The following PTPRT variants were observed in gnomAD, a reference collection of about 807,000 sequenced individuals.
The protein encoded by PTPRT is protein tyrosine phosphatase receptor type T.
PTPRT carries 56 observed loss-of-function variants against 176.8 expected under a neutral mutation model. The observed-to-expected ratio is 0.32, with a 90% CI of 0.26 to 0.40. The LOEUF is 0.40. Among genes scored for constraint, PTPRT ranks in the 10% least tolerant of loss-of-function variants. The pLI, the probability that PTPRT is intolerant of heterozygous loss-of-function variation, is 1.00. For synonymous variants in PTPRT, 783 were observed against 739.0 expected (o/e 1.06, Z -0.96); for missense variants, 1,540 against 1,908.2 (o/e 0.81, Z 3.60).
At chr20:42,966,171 C>A (rs1370605644) in intron 1 of PTPRT, 3 of 152,134 alleles carry the variant, frequency 2.0e-5, no homozygotes, top group African/African-American at 7.2e-5. Flanking sequence ...GTCGTTTGAA[C>A]CTTTCGTCAA....
At chr20:42,051,719 C>T in the PTPRT span, among the ~76,000 whole-genome samples, 14 of 152,210 alleles carry the variant, frequency 9.2e-5, no homozygotes, top group African/African-American at 2.2e-4. Flanking sequence ...TCACCATCTA[C>T]GTCAATCATT....
intron 7 of PTPRT, chr20:42,606,750 T>C (rs1366727316): frequency 6.6e-6 from 1 of 152,214 alleles, no homozygotes; most frequent in Non-Finnish European, 1.5e-5. Context: ...ATTTGAGCAT[T>C]ACCCCCGACA....
intron 7 of PTPRT, among the ~76,000 whole-genome samples, chr20:42,538,605 T>C (rs2072518490): frequency 6.6e-6 from 1 of 152,158 alleles, no homozygotes; most frequent in Non-Finnish European, 1.5e-5. Flanking sequence ...TGGCGATTAA[T>C]CTATACCAAA....
At chr20:42,142,178 C>A (rs545031925) in intron 17 of PTPRT, among the ~76,000 whole-genome samples, 176 bp from the exon 18 acceptor site, 62 of 152,322 alleles carry the variant, frequency 4.1e-4, no homozygotes, top group African/African-American at 1.5e-3. Flanking sequence ...TGGACCTATT[C>A]TCTTGTTCAT....
intron 6 of PTPRT, among the ~76,000 whole-genome samples, chr20:42,679,561 GAAGA>G (rs995668886): frequency 1.3e-5 from 2 of 152,064 alleles, no homozygotes; most frequent in Admixed American, 6.5e-5. Flanking sequence ...GAGAAAAATG[GAAGA>G]AAGAGAAAAT....
At chr20:42,718,328 G>C (rs2076256022) in intron 6 of PTPRT, among the ~76,000 whole-genome samples, 1 of 152,144 alleles carries the variant, frequency 6.6e-6, no homozygotes, top group African/African-American at 2.4e-5. Context: ...ACGAGGTCAG[G>C]GGATCAAGAC....
intron 15 of PTPRT, among the ~76,000 whole-genome samples, chr20:42,211,739 C>T (rs1323148196): frequency 6.9e-5 from 10 of 145,880 alleles, no homozygotes; most frequent in African/African-American, 1.3e-4. Flanking sequence ...GTCAGTGTGG[C>T]GATTCCTCAG....
chr20:42,772,903 A>G (rs1057462279), intron 4 of PTPRT, among the ~76,000 whole-genome samples: 1 of 152,224 alleles, frequency 6.6e-6, no homozygotes, highest in Non-Finnish European at 1.5e-5. Flanking sequence ...AGCAGACACT[A>G]TTATGATTTC....
Position 42,080,915 on chromosome 20 carries a change from T to C in PTPRT, c.4290A>G (p.Val1430=), listed in dbSNP as rs35393708. 9.5e-5 allele frequency: 153 copies of C among 1,607,920 alleles called. No homozygotes were observed. In the African/African-American group the frequency reaches 1.8e-3, roughly 19 times the overall value. The change falls in exon 31 of 31, where the codon GTA becomes GTG. Residue 1430 remains valine, a synonymous_variant. Transcript: ENST00000373187. The stretch of plus-strand genomic sequence containing the variant: ...TTAAATATTCCAGTGCCACCTCGTA[T>C]ACAAATTTATACTGTTCCTGAGAGG... ...MVETLEQYKF[V]YEVALEYLSS...
the PTPRT span, among the ~76,000 whole-genome samples, chr20:42,037,495 AGACATG>A: frequency 4.6e-5 from 7 of 152,216 alleles, no homozygotes; most frequent in Admixed American, 4.6e-4. Context: ...GACCACACTT[AGACATG>A]GACATGAAGC....
chr20:42,951,905 G>C (rs578053754), intron 1 of PTPRT, among the ~76,000 whole-genome samples: 1 of 152,270 alleles, frequency 6.6e-6, no homozygotes. Flanking sequence ...AGGAATAAAT[G>C]AGATGAAGTA....
At chr20:42,594,286 A>T (rs1475426220) in intron 7 of PTPRT, among the ~76,000 whole-genome samples, 2 of 152,088 alleles carry the variant, frequency 1.3e-5, no homozygotes, top group African/African-American at 4.8e-5. Context: ...ATCCTGTCCC[A>T]CCACGACCAT....
intron 15 of PTPRT, among the ~76,000 whole-genome samples, chr20:42,202,926 T>C (rs1303184101): frequency 6.6e-6 from 1 of 152,136 alleles, no homozygotes; most frequent in Non-Finnish European, 1.5e-5. Flanking sequence ...TTTATAGAAA[T>C]GTTTGGGTAG....
At chr20:42,847,826 C>T (rs2078401206) in intron 2 of PTPRT, among the ~76,000 whole-genome samples, 1 of 152,152 alleles carries the variant, frequency 6.6e-6, no homozygotes, top group Non-Finnish European at 1.5e-5. Flanking sequence ...TGTTAGAAAA[C>T]AGAGGTCTTT....
At chr20:43,138,184 C>T (rs962263243) in intron 1 of PTPRT, among the ~76,000 whole-genome samples, 1 of 152,214 alleles carries the variant, frequency 6.6e-6, no homozygotes, top group African/African-American at 2.4e-5. Flanking sequence ...GCTCTCTGGA[C>T]AATGCAAGGC....
intron 2 of PTPRT, among the ~76,000 whole-genome samples, chr20:42,842,502 C>T (rs2078295410): frequency 6.6e-6 from 1 of 152,138 alleles, no homozygotes; most frequent in Admixed American, 6.6e-5. Flanking sequence ...TCACTGCAAC[C>T]TCTGCCCCCC....
At chr20:42,958,389 GAAAGGGAATGGTGGGA>G (rs1981787818) in intron 1 of PTPRT, among the ~76,000 whole-genome samples, 12 of 129,704 alleles carry the variant, frequency 9.3e-5, no homozygotes, top group East Asian at 2.5e-4. Context: ...AGCAAGGGAG[GAAAGGGAATGGTGGGA>G]AAGGGAAGAA....
chr20:43,129,681 G>C lies in PTPRT; in HGVS notation c.88+59965C>G, dbSNP rs376149136. The stretch of plus-strand genomic sequence containing the variant: ...TCGCCCAGGCTGGAGTGCAGTGGCG[G>C]GATCTCGGCTCACTGCAAGCTCCGC... On this transcript the variant is annotated intron_variant, in intron 1 of 30. Coordinates refer to ENST00000373187, the MANE Select transcript of PTPRT (RefSeq NM_007050.6). Among the ~76,000 whole-genome samples the C allele has an allele frequency of 6.9e-3, 995 of 143,832 alleles. 5 individuals carry two copies. Among genetic ancestry groups the C allele is most frequent in the East Asian group, 0.022 (105 of 4,748 alleles). 94.4% of individuals were successfully genotyped at this position (143,832 alleles called of 152,430 possible).
At chr20:42,303,163 T>G (rs1047200030) in intron 12 of PTPRT, among the ~76,000 whole-genome samples, 2 of 152,220 alleles carry the variant, frequency 1.3e-5, no homozygotes, top group Non-Finnish European at 2.9e-5. Flanking sequence ...GCAGCTCTTA[T>G]CTGACCTTAA....
Sources: gnomAD v4.1 joint callset for allele counts (sites outside exome capture counted in the v4.1 genomes callset) on GRCh38, gnomAD v4.1.1 for gene constraint, MANE v1.5 for transcripts, NCBI Gene and HGNC (gene_info 2026-07-23, HGNC 2026-07-21) for gene names.